Variants in RBM12B observed in about 807,000 individuals in gnomAD.
RBM12B encodes the protein RNA-binding protein 12B.
RBM12B carries 10 observed loss-of-function variants against 34.3 expected under a neutral mutation model. The ratio of observed to expected loss-of-function variants is 0.29; its 90% CI spans 0.18 to 0.49. The LOEUF (loss-of-function observed/expected upper bound fraction) is 0.49, where lower values mean the gene tolerates loss of function less well. Among genes scored for constraint, RBM12B ranks in the 20% least tolerant of loss-of-function variants. RBM12B has a pLI of 0.99. For synonymous variants in RBM12B, 477 were observed against 437.1 expected (o/e 1.09, Z -1.14); for missense variants, 1,139 against 1,262.7 (o/e 0.90, Z 1.48).
In RBM12B at chr8:93,740,680, A is replaced by C; in HGVS notation, c.-129T>G. 2.7e-6 allele frequency: 1 copy of C among 369,048 alleles called. No individual in the cohort carries two copies. The highest frequency in any genetic ancestry group is 5.3e-6 in the Non-Finnish European group (1 of 188,688). The allele number at this position is 369,048 out of a possible 1,614,324, so 22.9% of individuals were successfully genotyped here. A position where few individuals can be genotyped will look rare whatever the true frequency, so the allele number is the denominator to read the frequency against. The stretch of plus-strand genomic sequence containing the variant: ...CTCAAGATCCCTGGGAAGCGCACAT[A>C]CACCACCACATGGAAGCTGACGGGA... On this transcript the variant is annotated 5_prime_UTR_variant, in exon 2 of 4. Transcript: ENST00000520560.
chr8:93,735,676 G>A lies in RBM12B; in HGVS notation c.735C>T (p.Asp245=), dbSNP rs188430114. The A allele has an allele frequency of 2.9e-3, 4,700 of 1,613,996 alleles. 25 individuals carry two copies. Among genetic ancestry groups the A allele is most frequent in the Non-Finnish European group, 2.9e-3 (3,376 of 1,179,980 alleles). ...AATGTTCTTCAGATCTCCTAAGAAC[G>A]TCACCCTCCTTAACTGCATTACCAC... ...EFGGNAVKEG[D]VLRRSEEHSP... Residue 245 remains aspartate, a synonymous_variant, in exon 4 of 4, where the codon GAC becomes GAT. Transcript: ENST00000520560.
intron 2 of RBM12B, among the ~76,000 whole-genome samples, chr8:93,737,807 C>CAAAAAAAAA (rs78204688): frequency 2.3e-4 from 23 of 100,580 alleles, no homozygotes; most frequent in Middle Eastern, 5.0e-3. Flanking sequence ...ACCCAAAGTT[C>CAAAAAAAAA]AAAAAAAAAA....
In RBM12B at chr8:93,733,923, G is replaced by A. The variant is rs199858185; in HGVS notation, c.2488C>T (p.Pro830Ser). 2 of 1,613,374 alleles carry A rather than the reference G, an allele frequency of 1.2e-6. No homozygotes were observed. Among genetic ancestry groups the A allele is most frequent in the Non-Finnish European group, 1.7e-6 (2 of 1,179,816 alleles). Residue 830 changes from proline to serine, a missense_variant, in exon 4 of 4, where the codon CCC becomes TCC. Around this residue, in one of 3 missense-constraint regions of RBM12B, gnomAD observed 863 missense variants for 869.5 expected, o/e 0.99. Coordinates refer to ENST00000520560, the MANE Select transcript of RBM12B (RefSeq NM_001377960.1). Reference sequence around the variant, plus strand: ...GGGCATCTAAAATCTTCCTCCTGGGGGCTCCTGAAGTCCTCATCAGGAGGG... The same window carrying A: ...GGGCATCTAAAATCTTCCTCCTGGGAGCTCCTGAAGTCCTCATCAGGAGGG... ...RHPPDEDFRS[P>S]QEEDFRCPSD...
Position 93,728,274 on chromosome 8 carries a change from G to T in RBM12B, c.*5131C>A, listed in dbSNP as rs772906998. On this transcript the variant is annotated 3_prime_UTR_variant, in exon 4 of 4. Transcript: ENST00000520560. ...TGAGGATGACGAGTTAGATGTTACAGAAGAAGAAAATTTTCTTAAGTAAAC... is the reference window on the plus strand; with the variant it reads ...TGAGGATGACGAGTTAGATGTTACATAAGAAGAAAATTTTCTTAAGTAAAC... 4 of 1,569,922 alleles carry T rather than the reference G, an allele frequency of 2.5e-6. No homozygotes were observed. In the African/African-American group the frequency reaches 6.9e-5, roughly 27 times the overall value.
rs761795060 is a variant in RBM12B, at chr8:93,734,406, G to A, written c.2005C>T (p.Arg669Trp). ...LRWLPEEDFRRPPEEDWRRPP... is the reference protein window; with the variant it reads ...LRWLPEEDFRWPPEEDWRRPP... ...CGTCTCCAGTCCTCCTCAGGTGGCC[G>A]CCTGAAATCTTCCTCTGGGAGCCAC... The change falls in exon 4 of 4, where the codon CGG becomes TGG. Residue 669 changes from arginine (R) to tryptophan (W), a missense_variant. Physicochemically the swap from Arg to Trp is moderately radical, Grantham distance 101 (BLOSUM62 -3). Around this residue, in one of 3 missense-constraint regions of RBM12B, gnomAD observed 863 missense variants for 869.5 expected, o/e 0.99. Coordinates refer to ENST00000520560, the MANE Select transcript of RBM12B (RefSeq NM_001377960.1). The A allele has an allele frequency of 8.3e-5, 134 of 1,612,672 alleles. No individual in the cohort carries two copies. The highest frequency in any genetic ancestry group is 4.9e-4 in the Middle Eastern group (3 of 6,070).
intron 2 of RBM12B, among the ~76,000 whole-genome samples, chr8:93,739,897 T>C (rs750220367): frequency 2.6e-5 from 4 of 152,322 alleles, no homozygotes; most frequent in East Asian, 1.9e-4. Context: ...GTGCCTCTTC[T>C]AATCAAGACT....
chr8:93,728,755 A>C lies in RBM12B; in HGVS notation c.*4650T>G, dbSNP rs949303742. ...AAAAACTTTTTTTAACTTTCCCTGAAACTTTATCATTTGATAAGTAAATTT... is the reference window on the plus strand; with the variant it reads ...AAAAACTTTTTTTAACTTTCCCTGACACTTTATCATTTGATAAGTAAATTT... On this transcript the variant is annotated 3_prime_UTR_variant, in exon 4 of 4. Coordinates refer to ENST00000520560, the MANE Select transcript of RBM12B (RefSeq NM_001377960.1). 2 of 152,106 alleles carry C rather than the reference A, an allele frequency of 1.3e-5. No homozygotes were observed. The highest frequency in any genetic ancestry group is 4.8e-5 in the African/African-American group (2 of 41,432). 9.4% of individuals were successfully genotyped at this position (152,106 alleles called of 1,614,324 possible).
intron 2 of RBM12B, among the ~76,000 whole-genome samples, chr8:93,739,866 T>G (rs1247814331): frequency 6.6e-6 from 1 of 152,200 alleles, no homozygotes; most frequent in Non-Finnish European, 1.5e-5. Flanking sequence ...TAATCACCAT[T>G]ATAACTAAAC....
At position 93,740,633 on chromosome 8, in the gene RBM12B, G is replaced by GGC; in HGVS notation, c.-83_-82insGC. ...ATAGCAAAGAAAAAAATATACCTAT[G>GGC]AAATCCTTCGAGATCTTCACTCTCA... On this transcript the variant is annotated 5_prime_UTR_variant, in exon 2 of 4. Transcript: ENST00000520560. 1 of 397,142 alleles carries GGC rather than the reference G, an allele frequency of 2.5e-6. No individual in the cohort carries two copies. Among genetic ancestry groups the GGC allele is most frequent in the South Asian group, 1.9e-5 (1 of 53,498 alleles). The allele number at this position is 397,142 out of a possible 1,614,324, so 24.6% of individuals were successfully genotyped here.
chr8:93,736,150 T>G lies in RBM12B; in HGVS notation c.261A>C (p.Arg87Ser). 11 of 1,614,226 alleles carry G rather than the reference T, an allele frequency of 6.8e-6. No individual in the cohort carries two copies. The highest frequency in any genetic ancestry group is 9.3e-6 in the Non-Finnish European group (11 of 1,180,040). Residue 87 changes from arginine (R) to serine (S), a missense_variant, in exon 4 of 4, where the codon AGA (arginine) becomes AGC (serine). Around this residue, in one of 3 missense-constraint regions of RBM12B, gnomAD observed 216 missense variants for 292.2 expected, o/e 0.74. Transcript: ENST00000520560. Reference sequence around the variant, plus strand: ...GACGCCCTCTTCCTACACGATCAGTTCTTTTCATTTCTATAGTCTTCTGCA... The same window carrying G: ...GACGCCCTCTTCCTACACGATCAGTGCTTTTCATTTCTATAGTCTTCTGCA... ...AEMQKTIEMK[R>S]TDRVGRGRPG... is the part of the protein sequence containing the mutation.
In RBM12B at chr8:93,734,392, C is replaced by T. The variant is rs1226576375; in HGVS notation, c.2019G>A (p.Glu673=). The change falls in exon 4 of 4, where the codon GAG becomes GAA. Residue 673 remains glutamate, a synonymous_variant. Coordinates refer to ENST00000520560, the MANE Select transcript of RBM12B (RefSeq NM_001377960.1). ...PEEDFRRPPE[E]DWRRPPEEDF... is the part of the protein sequence containing the mutation. ...CCTCCTCTGGGGGCCGTCTCCAGTC[C>T]TCCTCAGGTGGCCGCCTGAAATCTT... The T allele has an allele frequency of 6.2e-7, 1 of 1,613,280 alleles. No homozygotes were observed.
In RBM12B at chr8:93,734,434, TAAGTCCTCCTCAGGGGGTTGCCTG is replaced by T. The variant is rs766653820; in HGVS notation, c.1953_1976del (p.Phe651_Asp658del). 7.3e-5 allele frequency: 117 copies of T among 1,593,292 alleles called. No individual in the cohort carries two copies. The highest frequency in any genetic ancestry group is 2.2e-4 in the Admixed American group (13 of 58,240). ...TGAAATCTTCCTCTGGGAGCCACCT[TAAGTCCTCCTCAGGGGGTTGCCTG>T]AAGTCCTCCTCGGGGAGCTGCCTGA... On this transcript the variant is annotated inframe_deletion, in exon 4 of 4. Transcript: ENST00000520560.
rs371410665 is a variant in RBM12B at position 93,735,433 on chromosome 8, A to G, written c.978T>C (p.Tyr326=). 5 of 1,613,444 alleles carry G rather than the reference A, an allele frequency of 3.1e-6. No individual in the cohort carries two copies. In the South Asian group the frequency reaches 3.3e-5, roughly 11 times the overall value. ...FLYKDENRTR[Y]AFVMFKTLKD... Reference sequence around the variant, plus strand: ...TCAGAGTCTTGAACATCACAAAGGCATATCTTGTTCTATTTTCATCTTTAT... The same window carrying G: ...TCAGAGTCTTGAACATCACAAAGGCGTATCTTGTTCTATTTTCATCTTTAT... The change falls in exon 4 of 4, where the codon TAT becomes TAC. Residue 326 remains tyrosine (Y), a synonymous_variant. Coordinates refer to ENST00000520560, the MANE Select transcript of RBM12B (RefSeq NM_001377960.1).
At position 93,734,500 on chromosome 8, in the gene RBM12B, C is replaced by A; in HGVS notation, c.1911G>T (p.Arg637=). The change falls in exon 4 of 4, where the codon CGG becomes CGT. Residue 637 remains arginine (R), a synonymous_variant. Coordinates refer to ENST00000520560, the MANE Select transcript of RBM12B (RefSeq NM_001377960.1). The part of the protein sequence containing the change: ...WRRPLEEDFR[R]SPTEDFRQLP... ...GCTGCCTGAAGTCCTCCGTGGGAGA[C>A]CGCCTGAAATCCTCCTCCAGTGGCC... The A allele has an allele frequency of 6.2e-7, 1 of 1,607,266 alleles. No individual in the cohort carries two copies. The highest frequency in any genetic ancestry group is 8.5e-7 in the Non-Finnish European group (1 of 1,176,338).
In RBM12B at chr8:93,734,146, G is replaced by C. The variant is rs763674652; in HGVS notation, c.2265C>G (p.Phe755Leu). ...TGAAGTGCTCTGGGGGTGGCCGCCG[G>C]AAGTGCTCTGGGGGAGGCCGCCTAA... The part of the protein sequence containing the change: ...EHFRRPPPEH[F>L]RRPPPEHFRR... The change falls in exon 4 of 4, where the codon TTC (phenylalanine) becomes TTG (leucine). Residue 755 changes from phenylalanine to leucine, a missense_variant. Around this residue, in one of 3 missense-constraint regions of RBM12B, gnomAD observed 863 missense variants for 869.5 expected, o/e 0.99. Transcript: ENST00000520560. 1.2e-5 allele frequency: 19 copies of C among 1,561,794 alleles called. No individual in the cohort carries two copies. Among genetic ancestry groups the C allele is most frequent in the East Asian group, 6.8e-5 (3 of 44,424 alleles).
chr8:93,734,031 G>A lies in RBM12B; in HGVS notation c.2380C>T (p.His794Tyr). 1 of 1,597,328 alleles carries A rather than the reference G, an allele frequency of 6.3e-7. No homozygotes were observed. The highest frequency in any genetic ancestry group is 8.5e-7 in the Non-Finnish European group (1 of 1,174,598). Residue 794 changes from histidine (H) to tyrosine (Y), a missense_variant, in exon 4 of 4, where the codon CAT (histidine) becomes TAT (tyrosine). Transcript: ENST00000520560. Reference protein sequence around the residue: ...QEHFRRPPQEHFRRSREEDFR... With the variant: ...QEHFRRPPQEYFRRSREEDFR... The stretch of plus-strand genomic sequence containing the variant: ...TCTTCCTCTCGGGAGCGCCTGAAAT[G>A]CTCCTGAGGCGGCCGCCTGAAATGC...
At position 93,729,447 on chromosome 8, in the gene RBM12B, C is replaced by T. The variant is rs944387821; in HGVS notation, c.*3958G>A. On this transcript the variant is annotated 3_prime_UTR_variant, in exon 4 of 4. Transcript: ENST00000520560. ...TCAGTATTTAAATTTGGTTGTACTTCGGGGGAAAACAACAGAGTTATTATT... is the reference window on the plus strand; with the variant it reads ...TCAGTATTTAAATTTGGTTGTACTTTGGGGGAAAACAACAGAGTTATTATT... The T allele has an allele frequency of 1.1e-4, 16 of 152,102 alleles. No individual in the cohort carries two copies. Among genetic ancestry groups the T allele is most frequent in the Non-Finnish European group, 2.2e-4 (15 of 67,986 alleles). 9.4% of individuals were successfully genotyped at this position (152,102 alleles called of 1,614,324 possible).
At position 93,734,021 on chromosome 8, in the gene RBM12B, C is replaced by T. The variant is rs562274116; in HGVS notation, c.2390G>A (p.Arg797His). The change falls in exon 4 of 4, where the codon CGC becomes CAC. Residue 797 changes from arginine (R) to histidine (H), a missense_variant. Physicochemically the swap from Arg to His is conservative, Grantham distance 29 (BLOSUM62 0). Transcript: ENST00000520560. ...FRRPPQEHFR[R>H]SREEDFRHPP... ...GTGCCTGAAATCTTCCTCTCGGGAGCGCCTGAAATGCTCCTGAGGCGGCCG... is the reference window on the plus strand; with the variant it reads ...GTGCCTGAAATCTTCCTCTCGGGAGTGCCTGAAATGCTCCTGAGGCGGCCG... 1.4e-5 allele frequency: 22 copies of T among 1,605,680 alleles called. No individual in the cohort carries two copies. The South Asian group carries it at 2.2e-4, about 16-fold the overall frequency.
chr8:93,735,360 G>A lies in RBM12B; in HGVS notation c.1051C>T (p.Arg351Cys). Reference sequence around the variant, plus strand: ...GAAATTGGATCAATATGAACTGGACGATATTGTAAAACAGTCTTATGTAAA... The same window carrying A: ...GAAATTGGATCAATATGAACTGGACAATATTGTAAAACAGTCTTATGTAAA... ...LSLHKTVLQYRPVHIDPISRK... is the reference protein window; with the variant it reads ...LSLHKTVLQYCPVHIDPISRK... The change falls in exon 4 of 4, where the codon CGT (arginine) becomes TGT (cysteine). Residue 351 changes from arginine (R) to cysteine (C), a missense_variant. By Grantham distance (180) the Arg-to-Cys change is radical (BLOSUM62 -3). Transcript: ENST00000520560. The A allele has an allele frequency of 5.0e-6, 8 of 1,613,810 alleles. No homozygotes were observed. The highest frequency in any genetic ancestry group is 5.9e-6 in the Non-Finnish European group (7 of 1,179,906).
Sources: allele counts gnomAD v4.1 joint callset (sites outside exome capture counted in the v4.1 genomes callset), GRCh38; gene constraint gnomAD v4.1.1; regional missense constraint gnomAD v4.1.1; transcripts MANE v1.5; gene names NCBI Gene and HGNC (gene_info 2026-07-23, HGNC 2026-07-21).